Variants in IRS1 observed in about 807,000 individuals in gnomAD.
IRS1 encodes the protein insulin receptor substrate 1.
In IRS1, 34 loss-of-function variants were observed where a neutral mutation model predicts 65.6. The ratio of observed to expected loss-of-function variants is 0.52; its 90% CI spans 0.39 to 0.69. The LOEUF (loss-of-function observed/expected upper bound fraction) is 0.69, where lower values mean the gene tolerates loss of function less well. IRS1 is among the 30% of genes least tolerant of loss of function. The pLI, the probability that IRS1 is intolerant of heterozygous loss-of-function variation, is 0.00. For missense variants in IRS1, 1,641 were observed against 1,720.2 expected (o/e 0.95, Z 0.81); for synonymous variants, 699 against 683.5 (o/e 1.02, Z -0.35).
chr2:226,796,115 C>T lies in IRS1; in HGVS notation c.2624G>A (p.Arg875Gln), dbSNP rs555150176. 3.6e-5 allele frequency: 58 copies of T among 1,613,624 alleles called. 2 individuals carry two copies. In the Middle Eastern group the frequency reaches 8.3e-4, roughly 23 times the overall value. Residue 875 changes from arginine (R) to glutamine (Q), a missense_variant, in exon 1 of 2, where the codon CGA becomes CAA. Coordinates refer to ENST00000305123, the MANE Select transcript of IRS1 (RefSeq NM_005544.3). ...GGGCTGCTGCTGCTGCTGCTGCTCT[C>T]GGGCCCGAGGTAAGGTGCTGGCCTT... Reference protein sequence around the residue: ...DPKASTLPRAREQQQQQQPLL... With the variant: ...DPKASTLPRAQEQQQQQQPLL...
chr2:226,775,804 G>A (rs1363482928), intron 1 of IRS1, among the ~76,000 whole-genome samples: 1 of 152,126 alleles, frequency 6.6e-6, no homozygotes, highest in Non-Finnish European at 1.5e-5. Context: ...CCGGTATACT[G>A]TAAATCATCT....
chr2:226,751,474 G>A (rs1439631295), intron 1 of IRS1, among the ~76,000 whole-genome samples: 6 of 151,816 alleles, frequency 4.0e-5, no homozygotes, highest in Non-Finnish European at 5.9e-5. Context: ...TAGTAGAGAC[G>A]GGGTTTCACC....
In IRS1 at chr2:226,748,891, G is replaced by C. The variant is rs113798906; in HGVS notation, c.*22-12641C>G. Among the ~76,000 whole-genome samples, 365 of 152,234 alleles carry C rather than the reference G, an allele frequency of 2.4e-3. 3 individuals are homozygous for C. The highest frequency in any genetic ancestry group is 8.3e-3 in the African/African-American group (345 of 41,534). On this transcript the variant is annotated intron_variant, in intron 1 of 1. Coordinates refer to ENST00000305123, the MANE Select transcript of IRS1 (RefSeq NM_005544.3). ...AACAGAACAAGTTGATTTCCAGGTG[G>C]TTAAATACCAGGGTTTTCAGATTGA...
chr2:226,741,818 C>T lies in IRS1; in HGVS notation c.*22-5568G>A, dbSNP rs1275496993. 2.1e-3 allele frequency among the ~76,000 whole-genome samples: 287 copies of T among 136,716 alleles called. 1 individual carries two copies. Among genetic ancestry groups the T allele is most frequent in the African/African-American group, 4.7e-3 (186 of 39,796 alleles). 89.7% of individuals were successfully genotyped at this position (136,716 alleles called of 152,430 possible). On this transcript the variant is annotated intron_variant, in intron 1 of 1. Transcript: ENST00000305123. The stretch of plus-strand genomic sequence containing the variant: ...ACACACACACACACACACACACACA[C>T]ACACACACATAACACACACACACAT...
rs547704332 is a variant in IRS1, at chr2:226,743,982, C to T, written c.*22-7732G>A. 2.4e-3 allele frequency among the ~76,000 whole-genome samples: 362 copies of T among 152,324 alleles called. 2 individuals are homozygous for T. The highest frequency in any genetic ancestry group is 8.3e-3 in the African/African-American group (344 of 41,578). ...TCATTCTTTGCCCTCTCCCTGGAGT[C>T]AAATTGCTTCAAGAAAGCAAGCGTC... is the stretch of plus-strand genomic sequence containing the variant. On this transcript the variant is annotated intron_variant, in intron 1 of 1. Transcript: ENST00000305123.
At chr2:226,745,340 G>A (rs1192895041) in intron 1 of IRS1, among the ~76,000 whole-genome samples, 1 of 152,100 alleles carries the variant, frequency 6.6e-6, no homozygotes, top group African/African-American at 2.4e-5. Flanking sequence ...ACCTGTATGC[G>A]ATTTTGAATT....
intron 1 of IRS1, among the ~76,000 whole-genome samples, chr2:226,747,619 A>G (rs889658631): frequency 1.3e-5 from 2 of 152,164 alleles, no homozygotes; most frequent in African/African-American, 4.8e-5. Flanking sequence ...CTCTGAGGGG[A>G]CTACAGTCCC....
At chr2:226,793,598 G>A (rs1436610936) in intron 1 of IRS1, among the ~76,000 whole-genome samples, 1 of 152,124 alleles carries the variant, frequency 6.6e-6, no homozygotes, top group Non-Finnish European at 1.5e-5. Context: ...ACAGAATTAA[G>A]AAGACTATGA....
At chr2:226,777,212 C>A (rs887009218) in intron 1 of IRS1, among the ~76,000 whole-genome samples, 2 of 152,062 alleles carry the variant, frequency 1.3e-5, no homozygotes, top group Admixed American at 1.3e-4. Context: ...TATACTAATG[C>A]AAGATGTTAA....
At position 226,777,425 on chromosome 2, in the gene IRS1, G is replaced by A. The variant is rs533686320; in HGVS notation, c.*21+17564C>T. On this transcript the variant is annotated intron_variant, in intron 1 of 1. Transcript: ENST00000305123. ...CAAAGGATTTTCAAACCTATTTAAAGTTCCTTACCACTTATAGAACCCCAA... is the reference window on the plus strand; with the variant it reads ...CAAAGGATTTTCAAACCTATTTAAAATTCCTTACCACTTATAGAACCCCAA... Among the ~76,000 whole-genome samples, 29 of 152,236 alleles carry A rather than the reference G, an allele frequency of 1.9e-4. No individual in the cohort carries two copies. The South Asian group carries it at 2.3e-3, about 12-fold the overall frequency.
intron 1 of IRS1, among the ~76,000 whole-genome samples, chr2:226,782,718 T>C (rs923530531): frequency 2.0e-5 from 3 of 152,156 alleles, no homozygotes; most frequent in African/African-American, 7.2e-5. Flanking sequence ...GTGTAATCCT[T>C]GGTTGGGTGC....
intron 1 of IRS1, among the ~76,000 whole-genome samples, chr2:226,764,132 C>T (rs1938978568): frequency 6.6e-6 from 1 of 151,724 alleles, no homozygotes. Context: ...ATTATTTCCC[C>T]CCATACTAGA....
intron 1 of IRS1, among the ~76,000 whole-genome samples, chr2:226,776,023 C>G (rs893484822): frequency 6.6e-6 from 1 of 151,726 alleles, no homozygotes; most frequent in African/African-American, 2.4e-5. Flanking sequence ...TGTACATTCT[C>G]CAATAAAAGG....
chr2:226,781,192 G>A (rs780008653), intron 1 of IRS1, among the ~76,000 whole-genome samples: 1 of 152,116 alleles, frequency 6.6e-6, no homozygotes, highest in Non-Finnish European at 1.5e-5. Context: ...ATTTTCTTTG[G>A]TCAATGCATT....
At chr2:226,766,638 C>A (rs768777143) in intron 1 of IRS1, among the ~76,000 whole-genome samples, 1 of 152,138 alleles carries the variant, frequency 6.6e-6, no homozygotes, top group African/African-American at 2.4e-5. Context: ...GCATCTTTCA[C>A]AAAAGGTGTA....
intron 1 of IRS1, among the ~76,000 whole-genome samples, chr2:226,762,826 G>A (rs1938943663): frequency 6.6e-6 from 1 of 152,162 alleles, no homozygotes; most frequent in African/African-American, 2.4e-5. Context: ...AAAAGAGGCT[G>A]ATCATAAGAA....
intron 1 of IRS1, among the ~76,000 whole-genome samples, chr2:226,740,670 C>T (rs2106157969): frequency 6.6e-6 from 1 of 152,156 alleles, no homozygotes; most frequent in Non-Finnish European, 1.5e-5. Flanking sequence ...AACTTCTTGC[C>T]AATATGTTAA....
chr2:226,789,201 A>G (rs748382248), intron 1 of IRS1, among the ~76,000 whole-genome samples: 10 of 152,256 alleles, frequency 6.6e-5, no homozygotes, highest in Non-Finnish European at 1.5e-4. Context: ...GCTAAGACAC[A>G]TATCTGATTA....
Position 226,742,479 on chromosome 2 carries a change from T to C in IRS1, c.*22-6229A>G, listed in dbSNP as rs76885778. On this transcript the variant is annotated intron_variant, in intron 1 of 1. Transcript: ENST00000305123. ...AGCCAAGCCAGTGCTTTAATGGAGCTGCTTAAATAGCACTTTTGCCTGGTG... is the reference window on the plus strand; with the variant it reads ...AGCCAAGCCAGTGCTTTAATGGAGCCGCTTAAATAGCACTTTTGCCTGGTG... Among the ~76,000 whole-genome samples, 1,289 of 152,310 alleles carry C rather than the reference T, an allele frequency of 8.5e-3. 20 individuals carry two copies. The highest frequency in any genetic ancestry group is 0.03 in the African/African-American group (1,241 of 41,552).
Sources: allele counts gnomAD v4.1 joint callset (sites outside exome capture counted in the v4.1 genomes callset), GRCh38; gene constraint gnomAD v4.1.1; transcripts MANE v1.5; gene names NCBI Gene and HGNC (gene_info 2026-07-23, HGNC 2026-07-21).